Variants in NRG1 observed in about 807,000 individuals in gnomAD.
NRG1 encodes pro-neuregulin-1, membrane-bound isoform.
A neutral mutation model predicts 63.8 loss-of-function variants in NRG1; 18 were observed. That is an observed-to-expected ratio of 0.28 (90% CI 0.19 to 0.42). The LOEUF is 0.42. NRG1 is among the 10% of genes least tolerant of loss of function. The probability of loss-of-function intolerance (pLI) is 1.00; values close to 1 mark genes in which losing one functional copy is unlikely to be tolerated. For synonymous variants in NRG1, 302 were observed against 301.3 expected (o/e 1.00, Z -0.02); for missense variants, 762 against 814.7 (o/e 0.94, Z 0.79).
At chr8:31,686,245 A>C (rs1808878311) in intron 1 of NRG1, among the ~76,000 whole-genome samples, 1 of 152,224 alleles carries the variant, frequency 6.6e-6, no homozygotes, top group Admixed American at 6.5e-5. Flanking sequence ...GTTTTTGAAC[A>C]CAGCAGCTTA....
At chr8:31,991,530 C>G (rs1344925557) in intron 1 of NRG1, among the ~76,000 whole-genome samples, 1 of 151,866 alleles carries the variant, frequency 6.6e-6, no homozygotes, top group Non-Finnish European at 1.5e-5. Flanking sequence ...CAGTTTAATA[C>G]AAGTGTGTTA....
At chr8:32,693,844 G>A (rs546968201) in intron 5 of NRG1, among the ~76,000 whole-genome samples, 1 of 152,228 alleles carries the variant, frequency 6.6e-6, no homozygotes, top group Admixed American at 6.5e-5. Flanking sequence ...TCGTTCCCTT[G>A]TTCCTACATA....
intron 1 of NRG1, among the ~76,000 whole-genome samples, chr8:32,067,649 C>A (rs1055371007): frequency 2.6e-5 from 4 of 152,098 alleles, no homozygotes; most frequent in African/African-American, 9.7e-5. Context: ...TTGGAAGTTA[C>A]TACCAAGCAT....
intron 1 of NRG1, among the ~76,000 whole-genome samples, chr8:32,303,993 T>C (rs1194139110): frequency 6.6e-6 from 1 of 152,238 alleles, no homozygotes; most frequent in African/African-American, 2.4e-5. Flanking sequence ...ATCTGAACTG[T>C]GAAATTTTGT....
chr8:32,348,587 ATCCTT>A (rs1209105107), intron 1 of NRG1, among the ~76,000 whole-genome samples: 1 of 152,174 alleles, frequency 6.6e-6, no homozygotes, highest in Non-Finnish European at 1.5e-5. Flanking sequence ...ATAAAGAAAA[ATCCTT>A]TATAGCCACT....
intron 7 of NRG1, among the ~76,000 whole-genome samples, chr8:32,752,829 T>C (rs573569075): frequency 6.3e-4 from 95 of 150,698 alleles, no homozygotes; most frequent in African/African-American, 2.3e-3. Flanking sequence ...TCTCTTTTCC[T>C]TCTCCTCCTG....
At chr8:32,099,113 G>A (rs1301076406) in intron 1 of NRG1, among the ~76,000 whole-genome samples, 2 of 152,192 alleles carry the variant, frequency 1.3e-5, no homozygotes, top group Admixed American at 1.3e-4. Flanking sequence ...AGCAAGATAG[G>A]AGCTGACTGC....
chr8:32,436,733 C>A (rs1818839615), intron 1 of NRG1, among the ~76,000 whole-genome samples: 1 of 152,216 alleles, frequency 6.6e-6, no homozygotes, highest in East Asian at 1.9e-4. Flanking sequence ...GAACATTATA[C>A]AAATATTGTA....
chr8:32,037,555 G>A (rs751736376), intron 1 of NRG1, among the ~76,000 whole-genome samples: 3 of 152,292 alleles, frequency 2.0e-5, no homozygotes, highest in Non-Finnish European at 2.9e-5. Flanking sequence ...TCACGATACC[G>A]CAGCCGCCCC....
chr8:31,818,804 T>TC (rs35829720), intron 1 of NRG1, among the ~76,000 whole-genome samples: 1 of 152,078 alleles, frequency 6.6e-6, no homozygotes, highest in Non-Finnish European at 1.5e-5. Context: ...ACGCCTGTAA[T>TC]CCCAGCACTT....
intron 1 of NRG1, among the ~76,000 whole-genome samples, chr8:31,853,106 T>G (rs1175644000): frequency 6.6e-6 from 1 of 152,130 alleles, no homozygotes; most frequent in East Asian, 1.9e-4. Context: ...TCTTTTTTGG[T>G]TCCATATGAA....
At chr8:32,083,924 T>C (rs1340480867) in intron 1 of NRG1, among the ~76,000 whole-genome samples, 2 of 152,058 alleles carry the variant, frequency 1.3e-5, no homozygotes, top group Non-Finnish European at 2.9e-5. Context: ...CTGACAAAAT[T>C]TTTGAAAGTA....
At chr8:32,747,767 A>C (rs1827754910) in intron 7 of NRG1, among the ~76,000 whole-genome samples, 1 of 133,092 alleles carries the variant, frequency 7.5e-6, no homozygotes, top group African/African-American at 3.0e-5. Context: ...TACTTTAAAA[A>C]ATCTGGGGAG....
chr8:32,687,141 A>G (rs1335541187), intron 5 of NRG1, among the ~76,000 whole-genome samples: 5 of 152,342 alleles, frequency 3.3e-5, no homozygotes, highest in Admixed American at 1.3e-4. Flanking sequence ...ATATTAATAG[A>G]ATAGAAAAGA....
At chr8:32,669,809 C>T (rs1044307328) in intron 5 of NRG1, among the ~76,000 whole-genome samples, 27 of 152,136 alleles carry the variant, frequency 1.8e-4, no homozygotes, top group African/African-American at 6.0e-4. Flanking sequence ...AGACTGGACC[C>T]TAAGCCCATC....
chr8:32,408,417 G>A (rs1180429648), intron 1 of NRG1, among the ~76,000 whole-genome samples: 1 of 152,126 alleles, frequency 6.6e-6, no homozygotes, highest in Non-Finnish European at 1.5e-5. Flanking sequence ...AGCTGACTAG[G>A]TCAGAGTGAG....
At chr8:32,423,894 A>G (rs1563445401) in intron 1 of NRG1, among the ~76,000 whole-genome samples, 3 of 152,182 alleles carry the variant, frequency 2.0e-5, no homozygotes, top group Non-Finnish European at 4.4e-5. Context: ...CCCTGCCATA[A>G]CATATTTTCC....
chr8:32,230,329 G>A (rs1047665180), intron 1 of NRG1, among the ~76,000 whole-genome samples: 6 of 152,262 alleles, frequency 3.9e-5, no homozygotes, highest in Non-Finnish European at 8.8e-5. Context: ...AATGTCTCAC[G>A]CCTTAAAATG....
At chr8:32,603,024 T>C (rs1844642801) in intron 2 of NRG1, among the ~76,000 whole-genome samples, 2 of 152,214 alleles carry the variant, frequency 1.3e-5, no homozygotes, top group South Asian at 2.1e-4. Flanking sequence ...TTTGCAAAGA[T>C]ACTTGTCATC....
Sources: allele counts gnomAD v4.1 joint callset (sites outside exome capture counted in the v4.1 genomes callset), GRCh38; gene constraint gnomAD v4.1.1; transcripts MANE v1.5; gene names NCBI Gene and HGNC (gene_info 2026-07-23, HGNC 2026-07-21).